The following TTC28 variants were observed in gnomAD, a reference collection of about 807,000 sequenced individuals.
TTC28 encodes tetratricopeptide repeat domain 28.
A neutral mutation model predicts 198.0 loss-of-function variants in TTC28; 61 were observed. That is an observed-to-expected ratio of 0.31 (90% CI 0.25 to 0.38). The LOEUF is 0.38. Ranked by LOEUF, TTC28 falls within the 10% of genes least tolerant of loss-of-function variation. The pLI is 1.00. For missense variants in TTC28, 2,678 were observed against 3,164.0 expected (o/e 0.85, Z 3.69); for synonymous variants, 1,171 against 1,297.8 (o/e 0.90, Z 2.10).
intron 2 of TTC28, among the ~76,000 whole-genome samples, chr22:28,388,198 A>G (rs1230628270): frequency 6.6e-6 from 1 of 152,182 alleles, no homozygotes; most frequent in East Asian, 1.9e-4. Flanking sequence ...TGTTCCATTG[A>G]TCTATATCTC....
intron 2 of TTC28, among the ~76,000 whole-genome samples, chr22:28,541,727 G>A (rs1394010917): frequency 6.6e-6 from 1 of 151,518 alleles, no homozygotes; most frequent in Non-Finnish European, 1.5e-5. Flanking sequence ...ATATATAGAA[G>A]AAAGAAGACA....
At chr22:28,408,468 G>A (rs575152911) in intron 2 of TTC28, among the ~76,000 whole-genome samples, 3 of 151,958 alleles carry the variant, frequency 2.0e-5, no homozygotes, top group African/African-American at 4.8e-5. Flanking sequence ...TTGGCTCACT[G>A]CAACCTCTGC....
At chr22:28,448,548 T>C (rs542092512) in intron 2 of TTC28, among the ~76,000 whole-genome samples, 3 of 152,302 alleles carry the variant, frequency 2.0e-5, no homozygotes, top group Non-Finnish European at 4.4e-5. Flanking sequence ...GACCTCTAAA[T>C]TGTGTTCAAG....
chr22:28,215,370 C>A (rs1196480111), intron 5 of TTC28, among the ~76,000 whole-genome samples: 1 of 152,162 alleles, frequency 6.6e-6, no homozygotes, highest in East Asian at 1.9e-4. Context: ...CTACTGCAAC[C>A]TCTGTGCTAC....
intron 5 of TTC28, among the ~76,000 whole-genome samples, chr22:28,269,225 C>T (rs946998004): frequency 6.6e-6 from 1 of 152,104 alleles, no homozygotes; most frequent in Non-Finnish European, 1.5e-5. Context: ...CCATTACACA[C>T]TGTTGGGTCT....
intron 2 of TTC28, among the ~76,000 whole-genome samples, chr22:28,549,826 T>C (rs2145956892): frequency 6.6e-6 from 1 of 152,344 alleles, no homozygotes; most frequent in East Asian, 1.9e-4. Context: ...AAATTCATGG[T>C]CTTCAATGTT....
chr22:28,154,448 T>A (rs1355847295), intron 6 of TTC28, among the ~76,000 whole-genome samples: 1 of 151,404 alleles, frequency 6.6e-6, no homozygotes, highest in Non-Finnish European at 1.5e-5. Context: ...GCCTCCCAGG[T>A]TCATGCCATT....
rs557556022 is a variant in TTC28 at position 27,993,404 on chromosome 22, C to T, written c.5359G>A (p.Ala1787Thr). 4.2e-5 allele frequency: 65 copies of T among 1,551,344 alleles called. No homozygotes were observed. In the East Asian group the frequency reaches 5.9e-4, roughly 14 times the overall value. The change falls in exon 18 of 23, where the codon GCT becomes ACT. Residue 1787 changes from alanine to threonine, a missense_variant. Transcript: ENST00000397906. ...GGGGGGTCCAGCCGGAAGCCCACAG[C>T]GGTGAGGAGGGCCTGCCAGCCAGGG... ...GIPGWQALLTAVGFRLDPPTS... is the reference protein window; with the variant it reads ...GIPGWQALLTTVGFRLDPPTS...
intron 1 of TTC28, among the ~76,000 whole-genome samples, chr22:28,676,486 T>C (rs996023427): frequency 2.0e-5 from 3 of 152,178 alleles, no homozygotes; most frequent in African/African-American, 4.8e-5. Context: ...AATTCTGCAC[T>C]CAAGGGGATT....
At chr22:28,536,832 A>C (rs1424409407) in intron 2 of TTC28, among the ~76,000 whole-genome samples, 1 of 152,150 alleles carries the variant, frequency 6.6e-6, no homozygotes, top group Non-Finnish European at 1.5e-5. Context: ...AACAAAAAAC[A>C]TGTAACACTG....
intron 5 of TTC28, among the ~76,000 whole-genome samples, chr22:28,177,592 T>G (rs1363685560): frequency 6.6e-6 from 1 of 152,176 alleles, no homozygotes; most frequent in African/African-American, 2.4e-5. Context: ...TGCTAAAAAC[T>G]GGAAGCAAAT....
chr22:28,535,832 A>C (rs1196236057), intron 2 of TTC28, among the ~76,000 whole-genome samples: 2 of 152,076 alleles, frequency 1.3e-5, no homozygotes, highest in African/African-American at 4.8e-5. Context: ...CATGATTGTA[A>C]GTTTCCTGAG....
chr22:28,023,632 T>A (rs569275458), intron 13 of TTC28, among the ~76,000 whole-genome samples: 1 of 152,320 alleles, frequency 6.6e-6, no homozygotes, highest in East Asian at 1.9e-4. Context: ...ACAGAGAACT[T>A]CCAGAGCTGG....
chr22:28,100,901 GAATAT>G (rs1942125664), intron 9 of TTC28, among the ~76,000 whole-genome samples: 1 of 152,158 alleles, frequency 6.6e-6, no homozygotes, highest in African/African-American at 2.4e-5. Context: ...GTCATGAGAT[GAATAT>G]AATTTCATAT....
intron 1 of TTC28, among the ~76,000 whole-genome samples, chr22:28,638,817 A>C (rs2051315684): frequency 6.6e-6 from 1 of 152,188 alleles, no homozygotes; most frequent in African/African-American, 2.4e-5. Context: ...GTAAGGAAAA[A>C]GTTATACCCA....
At chr22:28,591,734 G>A (rs1243055522) in intron 2 of TTC28, among the ~76,000 whole-genome samples, 1 of 151,936 alleles carries the variant, frequency 6.6e-6, no homozygotes, top group Non-Finnish European at 1.5e-5. Context: ...TTTTTATAGT[G>A]TCTGGGAGTG....
At chr22:28,123,289 T>C (rs1451814479) in intron 6 of TTC28, among the ~76,000 whole-genome samples, 2 of 152,074 alleles carry the variant, frequency 1.3e-5, no homozygotes, top group African/African-American at 4.8e-5. Context: ...GGAGTCTCAC[T>C]CTCGTGCCCA....
At chr22:28,139,975 C>T (rs939366189) in intron 6 of TTC28, among the ~76,000 whole-genome samples, 2 of 152,164 alleles carry the variant, frequency 1.3e-5, no homozygotes, top group African/African-American at 4.8e-5. Context: ...GTGTCAGCAG[C>T]TCCCATGATG....
chr22:28,262,345 A>G (rs1931380545), intron 5 of TTC28, among the ~76,000 whole-genome samples: 2 of 152,168 alleles, frequency 1.3e-5, no homozygotes, highest in Admixed American at 6.6e-5. Flanking sequence ...TCAGCTACTG[A>G]CTTTATAAAT....
Sources: gnomAD v4.1 joint callset for allele counts (sites outside exome capture counted in the v4.1 genomes callset) on GRCh38, gnomAD v4.1.1 for gene constraint, MANE v1.5 for transcripts, NCBI Gene and HGNC (gene_info 2026-07-23, HGNC 2026-07-21) for gene names.